Variants in ERBB4 observed in about 807,000 individuals in gnomAD.
The protein encoded by ERBB4 is receptor tyrosine-protein kinase erbB-4.
A neutral mutation model predicts 158.0 loss-of-function variants in ERBB4; 42 were observed. The observed-to-expected ratio is 0.27, with a 90% CI of 0.21 to 0.34. The LOEUF is 0.34. ERBB4 is among the 10% of genes least tolerant of loss of function. The pLI is 1.00. For synonymous variants in ERBB4, 583 were observed against 558.7 expected, an observed-to-expected ratio of 1.04 and a Z score of -0.61; for missense variants, 1,333 against 1,624.1, an observed-to-expected ratio of 0.82 and a Z score of 3.08.
Position 211,957,993 on chromosome 2 carries a change from A to C in ERBB4, c.235-10377T>G, listed in dbSNP as rs530371965. On this transcript the variant is annotated intron_variant, in intron 2 of 27. Coordinates refer to ENST00000342788, the MANE Select transcript of ERBB4 (RefSeq NM_005235.3). ...TATGGGAAATACCCTTTGAGGATGC[A>C]AAAGTTAGAGGTGACTGATTCTGTG... Among the ~76,000 whole-genome samples, 190 of 152,212 alleles carry C rather than the reference A, an allele frequency of 1.2e-3. 2 individuals are homozygous for C. Among genetic ancestry groups the C allele is most frequent in the Non-Finnish European group, 1.7e-3 (116 of 67,994 alleles).
intron 1 of ERBB4, among the ~76,000 whole-genome samples, chr2:212,510,793 T>A (rs1371463622): frequency 6.6e-6 from 1 of 152,074 alleles, no homozygotes; most frequent in East Asian, 1.9e-4. Flanking sequence ...AAAATGTCTA[T>A]CTGGAAAAAT....
At chr2:212,056,453 A>C (rs528171205) in intron 2 of ERBB4, among the ~76,000 whole-genome samples, 1 of 152,306 alleles carries the variant, frequency 6.6e-6, no homozygotes, top group South Asian at 2.1e-4. Context: ...CCTCGAGAAG[A>C]GCAGCTCCAA....
chr2:211,708,216 A>C (rs2073525375), intron 9 of ERBB4, among the ~76,000 whole-genome samples: 1 of 152,200 alleles, frequency 6.6e-6, no homozygotes, highest in Non-Finnish European at 1.5e-5. Flanking sequence ...AAGATGAAAC[A>C]GAAAGGCTTC....
intron 19 of ERBB4, among the ~76,000 whole-genome samples, chr2:211,575,612 G>A (rs1340864383): frequency 5.3e-5 from 8 of 152,086 alleles, no homozygotes; most frequent in African/African-American, 1.9e-4. Context: ...TGTTTAAAGG[G>A]AGATATCTAC....
At chr2:212,475,924 T>C (rs1689365053) in intron 1 of ERBB4, among the ~76,000 whole-genome samples, 1 of 152,140 alleles carries the variant, frequency 6.6e-6, no homozygotes, top group Admixed American at 6.6e-5. Flanking sequence ...ATTATTGTAA[T>C]GGACTCTCTT....
intron 25 of ERBB4, 21 bp downstream of exon 25, chr2:211,420,420 G>A: frequency 3.3e-6 from 5 of 1,499,122 alleles, no homozygotes; most frequent in Non-Finnish European, 4.6e-6. Context: ...AATATGATAT[G>A]TGTATATAAT....
intron 25 of ERBB4, among the ~76,000 whole-genome samples, chr2:211,393,651 T>G (rs2062849985): frequency 6.6e-6 from 1 of 152,090 alleles, no homozygotes; most frequent in South Asian, 2.1e-4. Context: ...ATGTGTTACA[T>G]TACTGCTCCA....
Position 211,947,415 on chromosome 2 carries a change from G to T in ERBB4, c.421+15C>A. On this transcript the variant is annotated intron_variant, in intron 3 of 27. Coordinates refer to ENST00000342788, the MANE Select transcript of ERBB4 (RefSeq NM_005235.3). ...ATAATGAAAGCATATTTGCCATTTT[G>T]GATATATTCCTTACCTGTCAAGTTC... 1.2e-6 allele frequency: 2 copies of T among 1,603,170 alleles called. No individual in the cohort carries two copies. The highest frequency in any genetic ancestry group is 1.7e-6 in the Non-Finnish European group (2 of 1,170,510).
intron 2 of ERBB4, among the ~76,000 whole-genome samples, chr2:211,983,366 T>C (rs185444082): frequency 7.2e-5 from 11 of 152,224 alleles, no homozygotes; most frequent in African/African-American, 2.4e-4. Flanking sequence ...GAATGATAAA[T>C]TGGGGAGATG....
chr2:212,469,729 T>C (rs906050858), intron 1 of ERBB4, among the ~76,000 whole-genome samples: 2 of 152,160 alleles, frequency 1.3e-5, no homozygotes, highest in African/African-American at 4.8e-5. Flanking sequence ...TTTTTAACAA[T>C]ATGCACACAT....
chr2:211,888,849 A>C (rs972624067), intron 3 of ERBB4, among the ~76,000 whole-genome samples: 9 of 151,608 alleles, frequency 5.9e-5, no homozygotes, highest in African/African-American at 1.9e-4. Context: ...ACCGGCTTAA[A>C]AAACGGCGAA....
intron 12 of ERBB4, among the ~76,000 whole-genome samples, chr2:211,694,792 A>G (rs1464128964): frequency 6.6e-6 from 1 of 152,162 alleles, no homozygotes; most frequent in Non-Finnish European, 1.5e-5. Context: ...TGATTCTTCT[A>G]ACTTGGTAGG....
intron 1 of ERBB4, among the ~76,000 whole-genome samples, chr2:212,513,477 CT>C (rs532623596): frequency 8.9e-4 from 135 of 152,282 alleles, no homozygotes; most frequent in African/African-American, 3.1e-3. Flanking sequence ...GTAAAAGTAT[CT>C]TCCCCATTTT....
chr2:211,879,337 T>C (rs1409084877), intron 3 of ERBB4, among the ~76,000 whole-genome samples: 2 of 152,170 alleles, frequency 1.3e-5, no homozygotes, highest in African/African-American at 2.4e-5. Context: ...ATGAATACCA[T>C]ATAGAATAAC....
At chr2:211,461,949 C>T (rs1334391472) in intron 20 of ERBB4, among the ~76,000 whole-genome samples, 1 of 151,560 alleles carries the variant, frequency 6.6e-6, no homozygotes, top group Non-Finnish European at 1.5e-5. Context: ...TACGTCGGTG[C>T]AAAAGCAACT....
intron 5 of ERBB4, among the ~76,000 whole-genome samples, chr2:211,742,602 T>TC (rs397757939): frequency 3.9e-5 from 6 of 151,936 alleles, no homozygotes; most frequent in South Asian, 2.1e-4. Context: ...TTTGTTTTTT[T>TC]CCCCTTTACT....
At chr2:212,434,189 A>G (rs1180195146) in intron 1 of ERBB4, among the ~76,000 whole-genome samples, 1 of 151,932 alleles carries the variant, frequency 6.6e-6, no homozygotes, top group Non-Finnish European at 1.5e-5. Context: ...TGTCCTCTGG[A>G]GTTTTAGAGA....
Position 212,324,692 on chromosome 2 carries a change from G to A in ERBB4, c.83-199789C>T, listed in dbSNP as rs150048887. ...TGGTTCTAATTCTTTCTTCTTATGA[G>A]AAGATTAGACAGAATTCTTCATAAA... On this transcript the variant is annotated intron_variant, in intron 1 of 27. Transcript: ENST00000342788. Among the ~76,000 whole-genome samples, 165 of 150,378 alleles carry A rather than the reference G, an allele frequency of 1.1e-3. 3 individuals carry two copies. The highest frequency in any genetic ancestry group is 6.9e-3 in the Middle Eastern group (2 of 290).
At chr2:211,750,743 T>C (rs747016977) in intron 4 of ERBB4, 39 bp from the exon 5 acceptor site, 6 of 1,560,750 alleles carry the variant, frequency 3.8e-6, no homozygotes, top group Non-Finnish European at 5.3e-6. Flanking sequence ...ATGCACGTTA[T>C]AATCTTTCAC....
Sources: allele counts gnomAD v4.1 joint callset (sites outside exome capture counted in the v4.1 genomes callset), GRCh38; gene constraint gnomAD v4.1.1; transcripts MANE v1.5; gene names NCBI Gene and HGNC (gene_info 2026-07-23, HGNC 2026-07-21).